C1orf167: variants seen among roughly 807,000 people sequenced by gnomAD.
C1orf167 encodes chromosome 1 open reading frame 167.
Under a neutral mutation model 176.5 loss-of-function variants are expected in C1orf167, and 153 were observed. The observed-to-expected ratio is 0.87, with a 90% confidence interval of 0.76 to 0.99. C1orf167 has a LOEUF of 0.99. Ranked by LOEUF, C1orf167 falls within the 50% of genes least tolerant of loss-of-function variation. The pLI, the probability that C1orf167 is intolerant of heterozygous loss-of-function variation, is 0.00. For missense variants in C1orf167, 1,490 were observed against 1,817.7 expected (o/e 0.82, Z 3.28); for synonymous variants, 594 against 752.7 (o/e 0.79, Z 3.45).
chr1:11,763,121 G>T (rs1446577837), intron 1 of C1orf167, among the ~76,000 whole-genome samples: 1 of 152,140 alleles, frequency 6.6e-6, no homozygotes, highest in Non-Finnish European at 1.5e-5. Flanking sequence ...AATTGGGGAG[G>T]ACCATAACTG....
chr1:11,775,293 C>T, intron 8 of C1orf167, 142 bp from the exon 9 acceptor site: 8 of 580,034 alleles, frequency 1.4e-5, no homozygotes, highest in Non-Finnish European at 1.8e-5. Flanking sequence ...CGTCTACAAA[C>T]AACAACAACA....
chr1:11,766,661 C>T lies in C1orf167; in HGVS notation c.875C>T (p.Ser292Leu), dbSNP rs375852337. 2.2e-4 allele frequency: 290 copies of T among 1,289,610 alleles called. No individual in the cohort carries two copies. In the African/African-American group the frequency reaches 3.2e-3, roughly 14 times the overall value. The allele number at this position is 1,289,610 out of a possible 1,614,324, so 79.9% of individuals were successfully genotyped here. ...CCCAGCCAGCCTGTCCTTGCTTCCT[C>T]GGATGGGAGGAGGAGACGCCTTCGA... ...PQPSQPVLASSDGRRRRLRGH... is the reference protein window; with the variant it reads ...PQPSQPVLASLDGRRRRLRGH... Residue 292 changes from serine (S) to leucine (L), a missense_variant, in exon 3 of 21, where the codon TCG becomes TTG. Physicochemically the swap from Ser to Leu is moderately radical, Grantham distance 145. Transcript: ENST00000688073. This position sits in a 1 kb window ranked among gnomAD's most constrained non-coding sequence, Gnocchi z 4.5.
At position 11,765,982 on chromosome 1, in the gene C1orf167, C is replaced by T. The variant is rs2100237701; in HGVS notation, c.196C>T (p.Gln66Ter). Residue 66 changes from glutamine to a stop codon, truncating the protein, a stop_gained, in exon 3 of 21, where the codon CAG becomes TAG. Transcript: ENST00000688073. LOFTEE classifies it high-confidence loss of function. ...ACCCTCCCCAGGGGCAGTGCTAGAC[C>T]AGGAGCCCTGCCGAGTCCAGACCAA... Reference protein sequence around the residue: ...ATPSPGAVLDQEPCRVQTNLA... With the variant: ...ATPSPGAVLD 7.8e-7 allele frequency: 1 copy of T among 1,288,378 alleles called. No individual in the cohort carries two copies. Among genetic ancestry groups the T allele is most frequent in the Non-Finnish European group, 1.0e-6 (1 of 988,014 alleles). The allele number at this position is 1,288,378 out of a possible 1,614,324, so 79.8% of individuals were successfully genotyped here. A position where few individuals can be genotyped will look rare whatever the true frequency, so the allele number is the denominator to read the frequency against.
At chr1:11,772,813 G>C (rs1643143806) in intron 8 of C1orf167, among the ~76,000 whole-genome samples, 1 of 152,138 alleles carries the variant, frequency 6.6e-6, no homozygotes, top group Admixed American at 6.5e-5. Flanking sequence ...ATACCACCTG[G>C]CTTAAGTGTT....
intron 8 of C1orf167, 98 bp downstream of exon 8, chr1:11,772,357 CT>C (rs1050466325): frequency 9.4e-7 from 1 of 1,065,890 alleles, no homozygotes; most frequent in African/African-American, 1.7e-5. Flanking sequence ...CTCCACCTCC[CT>C]GGCTCAAGCA....
intron 2 of C1orf167, among the ~76,000 whole-genome samples, chr1:11,765,620 C>T (rs1439410473): frequency 2.6e-5 from 4 of 152,268 alleles, no homozygotes; most frequent in Non-Finnish European, 1.5e-5. Context: ...CCCTCAACAG[C>T]CTCCTAAATA....
At chr1:11,765,076 AAG>A (rs1642724897) in intron 2 of C1orf167, among the ~76,000 whole-genome samples, 1 of 147,240 alleles carries the variant, frequency 6.8e-6, no homozygotes, top group Non-Finnish European at 1.5e-5. Flanking sequence ...AAAAAAAAAA[AAG>A]AAAGCCACAG....
chr1:11,766,681 C>CA lies in C1orf167; in HGVS notation c.895_896insA (p.Leu299HisfsTer16). 7.8e-7 allele frequency: 1 copy of CA among 1,289,856 alleles called. No homozygotes were observed. Among genetic ancestry groups the CA allele is most frequent in the Admixed American group, 2.3e-5 (1 of 43,562 alleles). 79.9% of individuals were successfully genotyped at this position (1,289,856 alleles called of 1,614,324 possible). ...TTCCTCGGATGGGAGGAGGAGACGC[C>CA]TTCGAGGCCACAGGGAAACTGCGGC... On this transcript the variant is annotated frameshift_variant, in exon 3 of 21. Coordinates refer to ENST00000688073, the MANE Select transcript of C1orf167 (RefSeq NM_001010881.2). LOFTEE classifies it high-confidence loss of function. The surrounding 1 kb of genome is among the most constrained non-coding windows in gnomAD (Gnocchi z 4.5).
chr1:11,782,419 C>A, intron 14 of C1orf167, 86 bp downstream of exon 14: 1 of 1,126,254 alleles, frequency 8.9e-7, no homozygotes, highest in Non-Finnish European at 1.1e-6. Context: ...GAAGCTCAGA[C>A]GGTGGCCCAG....
intron 6 of C1orf167, among the ~76,000 whole-genome samples, chr1:11,771,049 G>GTGTGTA (rs1491322371): frequency 3.2e-4 from 11 of 34,912 alleles, no homozygotes; most frequent in South Asian, 1.6e-3. Context: ...GTGTGTGTGT[G>GTGTGTA]TATATATATA....
chr1:11,789,135 C>G (rs1052898949), intron 20 of C1orf167, 135 bp from the exon 21 acceptor site: 4 of 851,796 alleles, frequency 4.7e-6, no homozygotes, highest in Non-Finnish European at 6.5e-6. Context: ...CTAGGCAAGA[C>G]TGGCTGGCTG....
chr1:11,772,293 TCTCA>T (rs1207714599), intron 8 of C1orf167, 34 bp downstream of exon 8: 1 of 1,280,624 alleles, frequency 7.8e-7, no homozygotes, highest in Non-Finnish European at 1.0e-6. Flanking sequence ...TGAGATGAGG[TCTCA>T]CTCTGTCACC....
Position 11,766,790 on chromosome 1 carries a change from C to T in C1orf167, c.1004C>T (p.Thr335Ile). 1 of 1,289,722 alleles carries T rather than the reference C, an allele frequency of 7.8e-7. No individual in the cohort carries two copies. Among genetic ancestry groups the T allele is most frequent in the South Asian group, 1.2e-5 (1 of 81,024 alleles). The allele number at this position is 1,289,722 out of a possible 1,614,324, so 79.9% of individuals were successfully genotyped here. The part of the protein sequence containing the change: ...MSPETTLGTR[T>I]KDSLNPEQGL... ...CCTGAGACCACTTTGGGGACACGGA[C>T]CAAGGATTCCCTTAATCCTGAGCAG... Residue 335 changes from threonine (T) to isoleucine (I), a missense_variant, in exon 3 of 21, where the codon ACC becomes ATC. By Grantham distance (89) the Thr-to-Ile change is moderately conservative (BLOSUM62 -1). Coordinates refer to ENST00000688073, the MANE Select transcript of C1orf167 (RefSeq NM_001010881.2). The surrounding 1 kb of genome is among the most constrained non-coding windows in gnomAD (Gnocchi z 4.5).
chr1:11,771,049 G>GTGTGTGTGTGTGTGTATA (rs1491322371), intron 6 of C1orf167, among the ~76,000 whole-genome samples: 1 of 34,890 alleles, frequency 2.9e-5, no homozygotes, highest in African/African-American at 9.9e-5. Flanking sequence ...GTGTGTGTGT[G>GTGTGTGTGTGTGTGTATA]TATATATATA....
intron 14 of C1orf167, among the ~76,000 whole-genome samples, chr1:11,782,636 A>G (rs1643649787): frequency 1.3e-5 from 2 of 152,088 alleles, no homozygotes; most frequent in South Asian, 2.1e-4. Flanking sequence ...GATGGGAGAA[A>G]TCAGCTGGGA....
At chr1:11,762,965 A>AGGGAGGGCTCACTGTGATGT (rs1197345701) in intron 1 of C1orf167, among the ~76,000 whole-genome samples, 3 of 152,192 alleles carry the variant, frequency 2.0e-5, no homozygotes, top group African/African-American at 7.2e-5. Flanking sequence ...GACAGTGGGC[A>AGGGAGGGCTCACTGTGATGT]GGGAGGGCTC....
At chr1:11,781,158 T>C (rs895743562) in intron 13 of C1orf167, among the ~76,000 whole-genome samples, 3 of 151,920 alleles carry the variant, frequency 2.0e-5, no homozygotes, top group Admixed American at 6.6e-5. Context: ...CCACCACACC[T>C]GGCTAATTTT....
At chr1:11,779,257 C>A in intron 12 of C1orf167, 177 bp downstream of exon 12, 3 of 458,676 alleles carry the variant, frequency 6.5e-6, no homozygotes, top group Non-Finnish European at 1.0e-5. Flanking sequence ...AGTGGTGAGG[C>A]ACTCTACAGA....
rs369863545 is a variant in C1orf167 at position 11,776,657 on chromosome 1, G to A, written c.2339+19G>A. 2.8e-5 allele frequency: 34 copies of A among 1,194,476 alleles called. 5 individuals carry two copies. In the Admixed American group the frequency reaches 3.0e-4, roughly 10 times the overall value. 74.0% of individuals were successfully genotyped at this position (1,194,476 alleles called of 1,614,324 possible). A position where few individuals can be genotyped will look rare whatever the true frequency, so the allele number is the denominator to read the frequency against. On this transcript the variant is annotated intron_variant, in intron 10 of 20. Coordinates refer to ENST00000688073, the MANE Select transcript of C1orf167 (RefSeq NM_001010881.2). ...GGGCCAAGTAGGTGTCCTCGAGCTTGTGACCTGGGGTTGGGCCTGGGGGCT... is the reference window on the plus strand; with the variant it reads ...GGGCCAAGTAGGTGTCCTCGAGCTTATGACCTGGGGTTGGGCCTGGGGGCT...
Sources: allele counts gnomAD v4.1 joint callset (sites outside exome capture counted in the v4.1 genomes callset), GRCh38; gene constraint gnomAD v4.1.1; non-coding constraint Gnocchi (gnomAD v3.1); transcripts MANE v1.5; gene names NCBI Gene and HGNC (gene_info 2026-07-23, HGNC 2026-07-21).